Variants in FMN1 observed in about 807,000 individuals in gnomAD.
FMN1 encodes formin 1.
A neutral mutation model predicts 132.4 loss-of-function variants in FMN1; 110 were observed. The ratio of observed to expected loss-of-function variants is 0.83; its 90% CI spans 0.71 to 0.97. The LOEUF is 0.97. Ranked by LOEUF, FMN1 falls within the 50% of genes least tolerant of loss-of-function variation. The probability of loss-of-function intolerance (pLI) is 0.00; values close to 1 mark genes in which losing one functional copy is unlikely to be tolerated. For synonymous variants in FMN1, 722 were observed against 651.7 expected (o/e 1.11, Z -1.64); for missense variants, 1,792 against 1,705.3 (o/e 1.05, Z -0.90).
chr15:32,973,686 A>C (rs1421970077), intron 7 of FMN1, among the ~76,000 whole-genome samples: 1 of 152,106 alleles, frequency 6.6e-6, no homozygotes, highest in Non-Finnish European at 1.5e-5. Context: ...AGAGCAACTC[A>C]AAGTGATTAA....
intron 5 of FMN1, among the ~76,000 whole-genome samples, chr15:33,078,930 C>T (rs942204673): frequency 6.6e-6 from 1 of 152,146 alleles, no homozygotes; most frequent in Non-Finnish European, 1.5e-5. Context: ...GCAGACAGAA[C>T]CTTAAGCTTT....
intron 4 of FMN1, among the ~76,000 whole-genome samples, chr15:33,126,217 C>CA (rs1192017400): frequency 2.6e-5 from 4 of 152,076 alleles, no homozygotes; most frequent in Non-Finnish European, 5.9e-5. Flanking sequence ...CACCTAAAGA[C>CA]AGAGAGTTTT....
At chr15:33,039,908 C>T (rs1206587004) in intron 6 of FMN1, among the ~76,000 whole-genome samples, 1 of 152,284 alleles carries the variant, frequency 6.6e-6, no homozygotes, top group African/African-American at 2.4e-5. Flanking sequence ...ACTGCCGCCA[C>T]TCACCTTCCT....
intron 4 of FMN1, among the ~76,000 whole-genome samples, chr15:33,110,456 G>C (rs1322812540): frequency 2.0e-5 from 3 of 151,430 alleles, no homozygotes; most frequent in African/African-American, 7.3e-5. Flanking sequence ...GGTGATAATG[G>C]AAGGTTTTTT....
chr15:33,095,467 C>T (rs1369360697), intron 4 of FMN1, among the ~76,000 whole-genome samples: 4 of 152,166 alleles, frequency 2.6e-5, no homozygotes, highest in South Asian at 2.1e-4. Context: ...ATGATTACAA[C>T]TCACTGTAGC....
intron 16 of FMN1, among the ~76,000 whole-genome samples, chr15:32,865,034 C>T (rs980800633): frequency 2.0e-5 from 3 of 152,132 alleles, no homozygotes; most frequent in Non-Finnish European, 4.4e-5. Flanking sequence ...ATTCTACTCA[C>T]ATGAAATGTC....
intron 9 of FMN1, among the ~76,000 whole-genome samples, chr15:32,962,989 C>T (rs1478751776): frequency 1.4e-5 from 2 of 139,940 alleles, no homozygotes; most frequent in Non-Finnish European, 3.0e-5. Flanking sequence ...CATCCCATTA[C>T]TGGGTATATA....
chr15:33,089,302 C>A (rs2038820540), intron 4 of FMN1, among the ~76,000 whole-genome samples: 1 of 152,172 alleles, frequency 6.6e-6, no homozygotes, highest in East Asian at 1.9e-4. Context: ...GAGGTCTGGC[C>A]TGCTGGCTTT....
At chr15:33,169,092 A>C (rs1965218808) in intron 3 of FMN1, among the ~76,000 whole-genome samples, 1 of 152,254 alleles carries the variant, frequency 6.6e-6, no homozygotes, top group South Asian at 2.1e-4. Context: ...ATACAAGTTT[A>C]GAAGCATTTC....
At chr15:33,163,281 TTCTTG>T in intron 3 of FMN1, among the ~76,000 whole-genome samples, 1 of 150,056 alleles carries the variant, frequency 6.7e-6, no homozygotes, top group Non-Finnish European at 1.5e-5. Flanking sequence ...CTATTTTGGT[TTCTTG>T]TCTTGTCTTT....
chr15:33,057,336 G>C (rs2037263640), intron 6 of FMN1, among the ~76,000 whole-genome samples: 1 of 152,126 alleles, frequency 6.6e-6, no homozygotes, highest in Admixed American at 6.5e-5. Flanking sequence ...ACCTGGGTGT[G>C]TTCACTTTGC....
intron 15 of FMN1, among the ~76,000 whole-genome samples, chr15:32,894,554 T>C (rs2060108940): frequency 6.6e-6 from 1 of 150,884 alleles, no homozygotes; most frequent in African/African-American, 2.4e-5. Flanking sequence ...AGATAATAGG[T>C]AATTCCTCAT....
At chr15:32,880,840 G>T (rs2059752725) in intron 16 of FMN1, among the ~76,000 whole-genome samples, 1 of 152,156 alleles carries the variant, frequency 6.6e-6, no homozygotes, top group African/African-American at 2.4e-5. Context: ...CCTACTCCTA[G>T]AAGGGGGTGA....
Position 32,841,650 on chromosome 15 carries a change from G to C in FMN1, c.3928+15365C>G, listed in dbSNP as rs79485306. Among the ~76,000 whole-genome samples the C allele has an allele frequency of 4.5e-3, 682 of 152,244 alleles. 14 individuals carry two copies. In the East Asian group the frequency reaches 0.072, roughly 16 times the overall value. ...GTGTTTCAGTAGGCATGTAACATGT[G>C]AATCGCTTTGTGGAACTGGGTTCGT... On this transcript the variant is annotated intron_variant, in intron 17 of 20. Coordinates refer to ENST00000616417, the MANE Select transcript of FMN1 (RefSeq NM_001277313.2).
At chr15:33,032,040 G>C (rs1018389206) in intron 6 of FMN1, among the ~76,000 whole-genome samples, 1 of 152,164 alleles carries the variant, frequency 6.6e-6, no homozygotes. Flanking sequence ...ACTACTGCTA[G>C]AACTGTTGCT....
chr15:32,894,159 G>A lies in FMN1; in HGVS notation c.3714+4675C>T, dbSNP rs534137967. On this transcript the variant is annotated intron_variant, in intron 15 of 20. Coordinates refer to ENST00000616417, the MANE Select transcript of FMN1 (RefSeq NM_001277313.2). ...ATTAACATTATATCCAGTTCAGCAA[G>A]TTTTATCAGACACCTGTATTACAGG... Among the ~76,000 whole-genome samples the A allele has an allele frequency of 1.6e-4, 25 of 152,202 alleles. No homozygotes were observed. In the South Asian group the frequency reaches 5.2e-3, roughly 32 times the overall value.
At chr15:32,804,386 T>A in intron 17 of FMN1, 54 bp from the exon 18 acceptor site, 1 of 935,150 alleles carries the variant, frequency 1.1e-6, no homozygotes, top group Non-Finnish European at 1.5e-6. Flanking sequence ...CTCCTTTGCG[T>A]AATCTTACAG....
At chr15:33,085,800 G>A (rs1467182426) in intron 5 of FMN1, among the ~76,000 whole-genome samples, 1 of 152,044 alleles carries the variant, frequency 6.6e-6, no homozygotes, top group Non-Finnish European at 1.5e-5. Context: ...CTAAATAGTG[G>A]TCCTATTCCA....
intron 5 of FMN1, among the ~76,000 whole-genome samples, chr15:33,072,849 T>A (rs919287146): frequency 3.4e-5 from 5 of 148,894 alleles, no homozygotes; most frequent in African/African-American, 1.2e-4. Flanking sequence ...CTTGAACCCA[T>A]GAGGTGGAGG....
Sources: allele counts gnomAD v4.1 joint callset (sites outside exome capture counted in the v4.1 genomes callset), GRCh38; gene constraint gnomAD v4.1.1; transcripts MANE v1.5; gene names NCBI Gene and HGNC (gene_info 2026-07-23, HGNC 2026-07-21).